ICE1: variants seen among roughly 807,000 people sequenced by gnomAD.
ICE1 encodes little elongation complex subunit 1.
In ICE1, 64 loss-of-function variants were observed where a neutral mutation model predicts 192.7. That is an observed-to-expected ratio of 0.33 (90% CI 0.27 to 0.41). The LOEUF is 0.41. Ranked by LOEUF, ICE1 falls within the 10% of genes least tolerant of loss-of-function variation. ICE1 has a pLI of 1.00. For missense variants in ICE1, 2,708 were observed against 2,696.0 expected (o/e 1.00, Z -0.10); for synonymous variants, 1,010 against 984.5 (o/e 1.03, Z -0.49).
intron 8 of ICE1, 99 bp downstream of exon 8, chr5:5,447,608 C>T: frequency 7.4e-7 from 1 of 1,358,566 alleles, no homozygotes; most frequent in Non-Finnish European, 1.0e-6. Flanking sequence ...AACATGAGGC[C>T]CCCTGGCAAA....
intron 17 of ICE1, 109 bp from the exon 18 acceptor site, chr5:5,486,612 T>C (rs1295606174): frequency 1.4e-6 from 1 of 694,928 alleles, no homozygotes; most frequent in Non-Finnish European, 2.5e-6. Flanking sequence ...CAAGACGAAA[T>C]GATGAGGCAT....
chr5:5,452,049 A>G (rs1277011256), intron 10 of ICE1, among the ~76,000 whole-genome samples: 1 of 152,108 alleles, frequency 6.6e-6, no homozygotes, highest in Non-Finnish European at 1.5e-5. Flanking sequence ...CGTAGTCCCA[A>G]TTTCAAAAAA....
chr5:5,471,602 T>A (rs1003078979), intron 15 of ICE1, among the ~76,000 whole-genome samples: 3 of 152,148 alleles, frequency 2.0e-5, no homozygotes, highest in African/African-American at 7.2e-5. Context: ...AAATAGAGTT[T>A]ATCCTGATAA....
rs1738264237 is a variant in ICE1 at position 5,447,438 on chromosome 5, A to C, written c.436A>C (p.Lys146Gln). 1 of 1,552,202 alleles carries C rather than the reference A, an allele frequency of 6.4e-7. No individual in the cohort carries two copies. Among genetic ancestry groups the C allele is most frequent in the African/African-American group, 1.4e-5 (1 of 73,172 alleles). ...KVKKLQEAAV[K>Q]QTQDFKQLRN... ...CATTGGACTTAAAGAGGCTGCTGTC[A>C]AGCAAACTCAGGACTTCAAGCAACT... Residue 146 changes from lysine to glutamine, a missense_variant, in exon 8 of 19, where the codon AAG becomes CAG. Lys to Gln is a moderately conservative substitution (Grantham distance 53). Coordinates refer to ENST00000296564, the MANE Select transcript of ICE1 (RefSeq NM_015325.3).
At chr5:5,451,141 C>T (rs913426635) in intron 10 of ICE1, among the ~76,000 whole-genome samples, 8 of 152,082 alleles carry the variant, frequency 5.3e-5, no homozygotes, top group Non-Finnish European at 1.2e-4. Flanking sequence ...TACCTAATAA[C>T]TAAACTCACA....
chr5:5,465,213 G>T lies in ICE1; in HGVS notation c.5879G>T (p.Ser1960Ile), dbSNP rs1305002439. 1.3e-6 allele frequency: 2 copies of T among 1,571,218 alleles called. No individual in the cohort carries two copies. The highest frequency in any genetic ancestry group is 1.7e-6 in the Non-Finnish European group (2 of 1,157,620). Residue 1960 changes from serine (S) to isoleucine (I), a missense_variant, in exon 13 of 19, where the codon AGC becomes ATC. Ser to Ile is a moderately radical substitution (Grantham distance 142). Around this residue, in one of 2 missense-constraint regions of ICE1, gnomAD observed 342 missense variants for 419.3 expected, o/e 0.82. Coordinates refer to ENST00000296564, the MANE Select transcript of ICE1 (RefSeq NM_015325.3). ...GAGAAGGAAGTTGTTTATGAATTTA[G>T]CACAACAAAAAAGGTATGTGGCTGC... Reference protein sequence around the residue: ...DQEKEVVYEFSTTKKHLAECL... With the variant: ...DQEKEVVYEFITTKKHLAECL...
intron 12 of ICE1, among the ~76,000 whole-genome samples, chr5:5,459,047 G>T (rs1453380248): frequency 6.6e-6 from 1 of 151,948 alleles, no homozygotes; most frequent in Non-Finnish European, 1.5e-5. Context: ...TAATTTTTTT[G>T]CATTTTCAGT....
intron 3 of ICE1, among the ~76,000 whole-genome samples, chr5:5,438,357 A>G (rs1481028169): frequency 6.6e-6 from 1 of 152,228 alleles, no homozygotes; most frequent in African/African-American, 2.4e-5. Context: ...GCCAGACCAT[A>G]TCATCATTTC....
chr5:5,431,067 C>T (rs1737693250), intron 1 of ICE1, among the ~76,000 whole-genome samples: 2 of 152,048 alleles, frequency 1.3e-5, no homozygotes, highest in South Asian at 4.1e-4. Context: ...TGCCCAAGGT[C>T]ACTTAGCAGA....
chr5:5,448,205 AAATT>A (rs1738298340), intron 10 of ICE1, among the ~76,000 whole-genome samples: 1 of 152,210 alleles, frequency 6.6e-6, no homozygotes, highest in Non-Finnish European at 1.5e-5. Context: ...ATAATTTATC[AAATT>A]AATTTATTAA....
rs1738940436 is a variant in ICE1 at position 5,464,996 on chromosome 5, AGTT to A, written c.5666_5668del (p.Cys1889del). On this transcript the variant is annotated inframe_deletion, in exon 13 of 19. Coordinates refer to ENST00000296564, the MANE Select transcript of ICE1 (RefSeq NM_015325.3). The surrounding 1 kb of genome is among the most constrained non-coding windows in gnomAD (Gnocchi z 4.0). ...AGTTGCAACAACAAATGAGGAAAGA[AGTT>A]GTTCTAGTCCAGCCGTCAGTGCAGT... 1 of 1,613,824 alleles carries A rather than the reference AGTT, an allele frequency of 6.2e-7. No individual in the cohort carries two copies. The highest frequency in any genetic ancestry group is 1.3e-5 in the African/African-American group (1 of 74,928).
Position 5,464,825 on chromosome 5 carries a change from T to G in ICE1, c.5491T>G (p.Ser1831Ala). Reference sequence around the variant, plus strand: ...AAGAGATTTGGGGACTCAGCAGGATTCAAGCGGGAAAAGAACACTGTCAAC... The same window carrying G: ...AAGAGATTTGGGGACTCAGCAGGATGCAAGCGGGAAAAGAACACTGTCAAC... The part of the protein sequence containing the change: ...KSRDLGTQQD[S>A]SGKRTLSTST... Residue 1831 changes from serine to alanine, a missense_variant, in exon 13 of 19, where the codon TCA (serine) becomes GCA (alanine). Ser to Ala is a moderately conservative substitution (Grantham distance 99). Around this residue, in one of 2 missense-constraint regions of ICE1, gnomAD observed 2,366 missense variants for 2,276.6 expected, o/e 1.04. Transcript: ENST00000296564. The surrounding 1 kb of genome is among the most constrained non-coding windows in gnomAD (Gnocchi z 4.0). 1 of 1,613,528 alleles carries G rather than the reference T, an allele frequency of 6.2e-7. No individual in the cohort carries two copies. Among genetic ancestry groups the G allele is most frequent in the South Asian group, 1.1e-5 (1 of 90,926 alleles).
chr5:5,436,314 T>C (rs1737871389), intron 1 of ICE1, 104 bp from the exon 2 acceptor site: 3 of 717,618 alleles, frequency 4.2e-6, no homozygotes, highest in Non-Finnish European at 6.5e-6. Context: ...ATTTCTATGT[T>C]TATATAATTA....
At chr5:5,483,165 T>C (rs1161269000) in intron 17 of ICE1, among the ~76,000 whole-genome samples, 1 of 151,992 alleles carries the variant, frequency 6.6e-6, no homozygotes, top group Non-Finnish European at 1.5e-5. Context: ...TAATTTTTTG[T>C]TGTTTTTTTT....
chr5:5,437,185 G>A, intron 3 of ICE1, 71 bp downstream of exon 3: 1 of 1,228,118 alleles, frequency 8.1e-7, no homozygotes, highest in Non-Finnish European at 1.2e-6. Context: ...AGAGATGTGA[G>A]AATTGTTCCT....
At chr5:5,451,693 A>G (rs896412804) in intron 10 of ICE1, among the ~76,000 whole-genome samples, 2 of 152,186 alleles carry the variant, frequency 1.3e-5, no homozygotes, top group Admixed American at 1.3e-4. Flanking sequence ...ATAGTTAAAG[A>G]TCTAACACCA....
chr5:5,446,613 G>A (rs1431432991), intron 7 of ICE1, among the ~76,000 whole-genome samples: 1 of 152,154 alleles, frequency 6.6e-6, no homozygotes, highest in African/African-American at 2.4e-5. Flanking sequence ...AAGTGCCAGT[G>A]AGACTATATA....
intron 14 of ICE1, among the ~76,000 whole-genome samples, chr5:5,467,860 A>G (rs918615561): frequency 2.0e-5 from 3 of 152,258 alleles, no homozygotes; most frequent in South Asian, 2.1e-4. Flanking sequence ...ACAGTTTCTT[A>G]TGAAATTAAA....
chr5:5,461,003 G>A lies in ICE1; in HGVS notation c.1669G>A (p.Gly557Arg). ...AAAAACCGTATTGTCTAAAATGATG[G>A]GATCGCCCAAATCAGAGTTTACTAA... ...EGKTVLSKMM[G>R]SPKSEFTKWT... The change falls in exon 13 of 19, where the codon GGA becomes AGA. Residue 557 changes from glycine (G) to arginine (R), a missense_variant. Gly to Arg is a moderately radical substitution (Grantham distance 125). Coordinates refer to ENST00000296564, the MANE Select transcript of ICE1 (RefSeq NM_015325.3). 1 of 1,613,976 alleles carries A rather than the reference G, an allele frequency of 6.2e-7. No homozygotes were observed. The highest frequency in any genetic ancestry group is 1.1e-5 in the South Asian group (1 of 91,082).
Sources: gnomAD v4.1 joint callset for allele counts (sites outside exome capture counted in the v4.1 genomes callset) on GRCh38, gnomAD v4.1.1 for gene constraint, gnomAD v4.1.1 regional missense constraint, Gnocchi (gnomAD v3.1) non-coding constraint, MANE v1.5 for transcripts, NCBI Gene and HGNC (gene_info 2026-07-23, HGNC 2026-07-21) for gene names.